Variants in L2HGDH observed in about 807,000 individuals in gnomAD.
L2HGDH encodes L-2-hydroxyglutarate dehydrogenase, mitochondrial.
In L2HGDH, 34 loss-of-function variants were observed where a neutral mutation model predicts 51.5. The observed-to-expected ratio is 0.66, with a 90% CI of 0.50 to 0.88. L2HGDH has a LOEUF of 0.88. Among genes scored for constraint, L2HGDH ranks in the 40% least tolerant of loss-of-function variants. L2HGDH has a pLI of 0.00. For missense variants in L2HGDH, 558 were observed against 571.9 expected (o/e 0.98, Z 0.25); for synonymous variants, 198 against 197.9 (o/e 1.00, Z -0.01).
chr14:50,247,657 A>C (rs1888086315), intron 9 of L2HGDH, among the ~76,000 whole-genome samples: 1 of 152,238 alleles, frequency 6.6e-6, no homozygotes, highest in South Asian at 2.1e-4. Context: ...ATACAAATCA[A>C]TGAAAGCAGA....
intron 8 of L2HGDH, among the ~76,000 whole-genome samples, chr14:50,266,572 G>A (rs1323277555): frequency 6.6e-6 from 1 of 152,180 alleles, no homozygotes; most frequent in African/African-American, 2.4e-5. Context: ...ATCCCAGGAG[G>A]TTGAGGCTGC....
At chr14:50,271,186 T>C (rs905464674) in intron 6 of L2HGDH, among the ~76,000 whole-genome samples, 6 of 152,226 alleles carry the variant, frequency 3.9e-5, no homozygotes, top group Non-Finnish European at 2.9e-5. Flanking sequence ...TTAATATCTT[T>C]CCTGTTCATC....
At chr14:50,253,005 T>C (rs1349510075) in intron 9 of L2HGDH, among the ~76,000 whole-genome samples, 1 of 152,144 alleles carries the variant, frequency 6.6e-6, no homozygotes, top group African/African-American at 2.4e-5. Context: ...AGCACATGGA[T>C]CATTCTCAGG....
intron 4 of L2HGDH, chr14:50,287,102 T>A: frequency 3.6e-6 from 3 of 839,568 alleles, no homozygotes; most frequent in Non-Finnish European, 4.3e-6. Context: ...AGTTTCTTCA[T>A]TTATAAGACA....
chr14:50,277,744 G>A (rs140651628), intron 6 of L2HGDH, among the ~76,000 whole-genome samples: 1,584 of 150,416 alleles, frequency 0.011, 22 homozygotes, highest in African/African-American at 0.037. Flanking sequence ...ATGGACTCCA[G>A]CCTGGGCGAC....
At chr14:50,249,699 T>C (rs966430684) in intron 9 of L2HGDH, among the ~76,000 whole-genome samples, 1 of 152,106 alleles carries the variant, frequency 6.6e-6, no homozygotes, top group Non-Finnish European at 1.5e-5. Context: ...TGAGATGTGC[T>C]GGCTTCAGGT....
intron 9 of L2HGDH, 87 bp from the exon 10 acceptor site, chr14:50,247,340 A>C: frequency 6.5e-7 from 1 of 1,544,608 alleles, no homozygotes; most frequent in Non-Finnish European, 8.7e-7. Context: ...TAAAGCAATA[A>C]AGTATTCTTC....
chr14:50,284,507 C>A (rs532983255), intron 4 of L2HGDH, among the ~76,000 whole-genome samples: 9 of 152,150 alleles, frequency 5.9e-5, no homozygotes, highest in African/African-American at 2.2e-4. Flanking sequence ...CTGTTTTTGT[C>A]CCTAAAGACA....
intron 6 of L2HGDH, among the ~76,000 whole-genome samples, chr14:50,270,095 A>T (rs1362650437): frequency 1.3e-5 from 2 of 152,108 alleles, no homozygotes; most frequent in Non-Finnish European, 2.9e-5. Flanking sequence ...CTTCCTAATC[A>T]ATATCTACTT....
At chr14:50,296,372 C>CA (rs59868876) in intron 3 of L2HGDH, among the ~76,000 whole-genome samples, 22,021 of 31,426 alleles carry the variant, frequency 0.7, 8,669 homozygotes, top group Non-Finnish European at 0.76. Context: ...GACCCTGTCT[C>CA]AAAAAAAAAA....
intron 4 of L2HGDH, among the ~76,000 whole-genome samples, chr14:50,290,652 C>A (rs906713107): frequency 6.6e-5 from 10 of 152,036 alleles, no homozygotes; most frequent in African/African-American, 1.9e-4. Flanking sequence ...TTTACGGACA[C>A]TGAAATTTGA....
At chr14:50,278,887 T>G (rs906628361) in intron 5 of L2HGDH, among the ~76,000 whole-genome samples, 1 of 152,218 alleles carries the variant, frequency 6.6e-6, no homozygotes, top group Non-Finnish European at 1.5e-5. Flanking sequence ...CAGTATGTAT[T>G]TTCCCACAGA....
At chr14:50,267,539 T>C (rs190517600) in intron 8 of L2HGDH, among the ~76,000 whole-genome samples, 144 of 152,236 alleles carry the variant, frequency 9.5e-4, no homozygotes, top group Non-Finnish European at 1.2e-3. Flanking sequence ...TAAAATGTTA[T>C]ACTTATTCCA....
intron 4 of L2HGDH, among the ~76,000 whole-genome samples, chr14:50,288,274 A>C (rs1890672288): frequency 6.6e-6 from 1 of 152,200 alleles, no homozygotes; most frequent in Admixed American, 6.5e-5. Flanking sequence ...CGTGTATAGG[A>C]AGCTGTTGTT....
chr14:50,257,724 G>C (rs1158739507), intron 9 of L2HGDH, among the ~76,000 whole-genome samples: 2 of 149,882 alleles, frequency 1.3e-5, no homozygotes, highest in Non-Finnish European at 3.0e-5. Flanking sequence ...CTCATTAGGT[G>C]GTTTCCAACT....
At chr14:50,265,292 T>C (rs1889273586) in intron 9 of L2HGDH, 66 bp downstream of exon 9, 2 of 1,422,992 alleles carry the variant, frequency 1.4e-6, no homozygotes, top group Admixed American at 1.7e-5. Context: ...AATCACCAAG[T>C]CAGACCCACC....
chr14:50,255,815 G>A (rs1888635464), intron 9 of L2HGDH, among the ~76,000 whole-genome samples: 1 of 151,978 alleles, frequency 6.6e-6, no homozygotes. Flanking sequence ...ATCGCTTGAG[G>A]TCAGGAGTTC....
chr14:50,249,992 C>T (rs570061286), intron 9 of L2HGDH, among the ~76,000 whole-genome samples: 5 of 146,250 alleles, frequency 3.4e-5, no homozygotes, highest in South Asian at 4.4e-4. Context: ...ACCTCCACCT[C>T]CTGGGCTCAA....
chr14:50,283,758 T>C (rs1890405307), intron 5 of L2HGDH, 113 bp downstream of exon 5: 2 of 846,080 alleles, frequency 2.4e-6, no homozygotes, highest in African/African-American at 1.7e-5. Flanking sequence ...TATTATTTTT[T>C]ATTGTTTTTT....
Sources: gnomAD v4.1 joint callset for allele counts (sites outside exome capture counted in the v4.1 genomes callset) on GRCh38, gnomAD v4.1.1 for gene constraint, MANE v1.5 for transcripts, NCBI Gene and HGNC (gene_info 2026-07-23, HGNC 2026-07-21) for gene names.